The following GALNT13 variants were observed in gnomAD, a reference collection of about 807,000 sequenced individuals.
GALNT13 encodes the protein UDP-GalNAc:polypeptide N-acetylgalactosaminyltransferase 13.
A neutral mutation model predicts 64.2 loss-of-function variants in GALNT13; 28 were observed. The ratio of observed to expected loss-of-function variants is 0.44; its 90% confidence interval spans 0.32 to 0.60. The LOEUF is 0.60. Among genes scored for constraint, GALNT13 ranks in the 20% least tolerant of loss-of-function variants. The pLI, the probability that GALNT13 is intolerant of heterozygous loss-of-function variation, is 0.05. For missense variants in GALNT13, 577 were observed against 669.8 expected (o/e 0.86, Z 1.53); for synonymous variants, 214 against 224.6 (o/e 0.95, Z 0.42).
the GALNT13 span, among the ~76,000 whole-genome samples, chr2:153,182,107 G>C: frequency 6.6e-6 from 1 of 151,354 alleles, no homozygotes; most frequent in African/African-American, 2.4e-5. Context: ...GCAGTGGCAT[G>C]ATTTCAGCTC....
the GALNT13 span, among the ~76,000 whole-genome samples, chr2:153,675,686 G>C: frequency 6.6e-6 from 1 of 151,990 alleles, no homozygotes; most frequent in Admixed American, 6.6e-5. Flanking sequence ...AGAACTTAAA[G>C]TATAATAATA....
chr2:153,560,177 G>C, the GALNT13 span, among the ~76,000 whole-genome samples: 9 of 151,992 alleles, frequency 5.9e-5, no homozygotes, highest in Admixed American at 4.6e-4. Context: ...AATATTTAGA[G>C]ACCATGATCT....
intron 4 of GALNT13, among the ~76,000 whole-genome samples, chr2:154,147,729 A>C (rs576719546): frequency 9.2e-5 from 14 of 152,156 alleles, no homozygotes; most frequent in African/African-American, 3.4e-4. Flanking sequence ...TGCAAATTCT[A>C]ATTGAGAAAG....
At chr2:154,008,817 C>A (rs34621232) in intron 3 of GALNT13, among the ~76,000 whole-genome samples, 28,349 of 152,028 alleles carry the variant, frequency 0.19, 3,382 homozygotes, top group Non-Finnish European at 0.26. Flanking sequence ...TATCTATATA[C>A]CTCATTTTAT....
the GALNT13 span, among the ~76,000 whole-genome samples, chr2:153,731,072 A>G: frequency 0.011 from 1,656 of 150,980 alleles, 20 homozygotes; most frequent in Non-Finnish European, 0.018. Flanking sequence ...ATATATATAT[A>G]TGTGTGTGTG....
chr2:154,021,018 C>T (rs1042711200), intron 3 of GALNT13, among the ~76,000 whole-genome samples: 12 of 152,024 alleles, frequency 7.9e-5, no homozygotes, highest in Non-Finnish European at 1.6e-4. Flanking sequence ...TGTAGATATG[C>T]GGCATTATTT....
At chr2:153,374,088 T>G in the GALNT13 span, among the ~76,000 whole-genome samples, 1 of 152,226 alleles carries the variant, frequency 6.6e-6, no homozygotes, top group Non-Finnish European at 1.5e-5. Context: ...GTGCAAATAT[T>G]TGTTCAAGAC....
At chr2:154,377,305 C>A (rs1262786828) in intron 9 of GALNT13, among the ~76,000 whole-genome samples, 2 of 151,876 alleles carry the variant, frequency 1.3e-5, no homozygotes, top group Non-Finnish European at 2.9e-5. Context: ...TGTGACCAAG[C>A]TTTTTTACAC....
In GALNT13 at chr2:154,296,274, A is replaced by G. The variant is rs529456482; in HGVS notation, c.976-5135A>G. ...AACCCCAACCATAGCTTCAGAATTC[A>G]CTAGATTGGGAGTGGTCTCTCTTTT... On this transcript the variant is annotated intron_variant, in intron 8 of 12. Transcript: ENST00000392825. Among the ~76,000 whole-genome samples, 12 of 152,294 alleles carry G rather than the reference A, an allele frequency of 7.9e-5. No individual in the cohort carries two copies. The South Asian group carries it at 2.5e-3, about 32-fold the overall frequency.
intron 3 of GALNT13, among the ~76,000 whole-genome samples, chr2:154,082,298 C>T (rs1295361657): frequency 6.6e-6 from 1 of 151,588 alleles, no homozygotes; most frequent in Non-Finnish European, 1.5e-5. Context: ...AGGGATTTTC[C>T]TCTGTCTTAT....
chr2:154,049,076 T>C (rs1229668085), intron 3 of GALNT13, among the ~76,000 whole-genome samples: 4 of 152,044 alleles, frequency 2.6e-5, no homozygotes, highest in African/African-American at 9.7e-5. Flanking sequence ...AATTCCAAAG[T>C]ATAATGACAT....
At chr2:154,285,064 A>G (rs2105947553) in intron 8 of GALNT13, among the ~76,000 whole-genome samples, 1 of 152,108 alleles carries the variant, frequency 6.6e-6, no homozygotes, top group South Asian at 2.1e-4. Flanking sequence ...CTATTTTGAA[A>G]TTGGGTTATT....
the GALNT13 span, among the ~76,000 whole-genome samples, chr2:153,531,978 T>G: frequency 6.6e-6 from 1 of 152,132 alleles, no homozygotes; most frequent in South Asian, 2.1e-4. Context: ...TGGCTTTGAG[T>G]GCCTTCAGCT....
At chr2:153,756,233 A>T in the GALNT13 span, among the ~76,000 whole-genome samples, 1 of 152,116 alleles carries the variant, frequency 6.6e-6, no homozygotes, top group Non-Finnish European at 1.5e-5. Flanking sequence ...GATCAATTTA[A>T]TATCTTTTGT....
intron 3 of GALNT13, among the ~76,000 whole-genome samples, chr2:154,071,105 A>G (rs1032426838): frequency 6.6e-6 from 1 of 152,164 alleles, no homozygotes; most frequent in African/African-American, 2.4e-5. Flanking sequence ...CTAATTTGCT[A>G]AAAATGAATT....
the GALNT13 span, among the ~76,000 whole-genome samples, chr2:153,350,131 C>T: frequency 6.6e-6 from 1 of 152,170 alleles, no homozygotes; most frequent in Middle Eastern, 3.4e-3. Flanking sequence ...TTATTTTATT[C>T]TAATTGTTGT....
At chr2:153,577,469 T>A in the GALNT13 span, among the ~76,000 whole-genome samples, 393 of 152,278 alleles carry the variant, frequency 2.6e-3, 5 homozygotes, top group African/African-American at 9.2e-3. Flanking sequence ...GAAGAGCTGT[T>A]TCCTTTATCA....
At chr2:153,757,506 A>G in the GALNT13 span, among the ~76,000 whole-genome samples, 3 of 152,162 alleles carry the variant, frequency 2.0e-5, no homozygotes, top group African/African-American at 7.2e-5. Flanking sequence ...ATTGATTTCA[A>G]ATCCTTTAGA....
the GALNT13 span, among the ~76,000 whole-genome samples, chr2:153,750,151 T>C: frequency 6.6e-6 from 1 of 151,806 alleles, no homozygotes; most frequent in Non-Finnish European, 1.5e-5. Context: ...GTATCTTGAG[T>C]CATCTTTGCA....
Sources: gnomAD v4.1 joint callset for allele counts (sites outside exome capture counted in the v4.1 genomes callset) on GRCh38, gnomAD v4.1.1 for gene constraint, MANE v1.5 for transcripts, NCBI Gene and HGNC (gene_info 2026-07-23, HGNC 2026-07-21) for gene names.